Variants in STAU2 observed in about 807,000 individuals in gnomAD.
The protein encoded by STAU2 is double-stranded RNA-binding protein Staufen homolog 2.
In STAU2, 20 loss-of-function variants were observed where a neutral mutation model predicts 65.9. The observed-to-expected ratio is 0.30, with a 90% confidence interval of 0.21 to 0.44. The LOEUF is 0.44. Among genes scored for constraint, STAU2 ranks in the 20% least tolerant of loss-of-function variants. The pLI, the probability that STAU2 is intolerant of heterozygous loss-of-function variation, is 1.00. For missense variants in STAU2, 558 were observed against 683.9 expected (o/e 0.82, Z 2.05); for synonymous variants, 232 against 233.9 (o/e 0.99, Z 0.07).
At chr8:73,487,426 G>A (rs1820971839) in intron 13 of STAU2, among the ~76,000 whole-genome samples, 1 of 152,092 alleles carries the variant, frequency 6.6e-6, no homozygotes, top group South Asian at 2.1e-4. Context: ...TGAATTTTAT[G>A]TAATAATAGA....
chr8:73,491,172 A>G (rs994649137), intron 13 of STAU2, among the ~76,000 whole-genome samples: 3 of 152,044 alleles, frequency 2.0e-5, no homozygotes, highest in African/African-American at 7.2e-5. Context: ...GTCACAAATA[A>G]AAAAAGCACT....
In STAU2 at chr8:73,709,185, GT is replaced by G. The variant is rs764636665; in HGVS notation, c.-17-24del. On this transcript the variant is annotated intron_variant, in intron 3 of 14. Transcript: ENST00000524300. Reference sequence around the variant, plus strand: ...AAGCTGTAAATAAAAAGGCTATAAAGTTTTTGTGAAGAATGACTTTACAAAA... The same window carrying G: ...AAGCTGTAAATAAAAAGGCTATAAAGTTTTGTGAAGAATGACTTTACAAAA... The G allele has an allele frequency of 1.1e-5, 16 of 1,472,852 alleles. No homozygotes were observed. The South Asian group carries it at 2.0e-4, about 18-fold the overall frequency. 91.2% of individuals were successfully genotyped at this position (1,472,852 alleles called of 1,614,324 possible). A position where few individuals can be genotyped will look rare whatever the true frequency, so the allele number is the denominator to read the frequency against.
Position 73,495,642 on chromosome 8 carries a change from AG to A in STAU2, c.1530+56369del, listed in dbSNP as rs376750963. Among the ~76,000 whole-genome samples, 374 of 130,490 alleles carry A rather than the reference AG, an allele frequency of 2.9e-3. 1 individual carries two copies. Among genetic ancestry groups the A allele is most frequent in the African/African-American group, 0.01 (356 of 34,268 alleles). The allele number at this position is 130,490 out of a possible 152,430, so 85.6% of individuals were successfully genotyped here. On this transcript the variant is annotated intron_variant, in intron 13 of 14. Coordinates refer to ENST00000524300, the MANE Select transcript of STAU2 (RefSeq NM_001164380.2). The stretch of plus-strand genomic sequence containing the variant: ...CTTACTTAAATCATAAACTACTCTA[AG>A]GAATGATTCATAAAGCCAAATATAT...
intron 13 of STAU2, among the ~76,000 whole-genome samples, chr8:73,510,534 C>T (rs916394272): frequency 2.8e-4 from 43 of 152,178 alleles, no homozygotes; most frequent in Non-Finnish European, 1.0e-4. Flanking sequence ...CATTCTCACA[C>T]TGCTAATAAA....
intron 12 of STAU2, among the ~76,000 whole-genome samples, chr8:73,577,966 T>C (rs1393647583): frequency 6.6e-6 from 1 of 152,180 alleles, no homozygotes; most frequent in Non-Finnish European, 1.5e-5. Context: ...ATTTATACTG[T>C]CATTTGCCTT....
intron 4 of STAU2, among the ~76,000 whole-genome samples, chr8:73,701,969 C>T (rs1328703324): frequency 1.3e-5 from 2 of 152,026 alleles, no homozygotes; most frequent in Non-Finnish European, 2.9e-5. Context: ...TGAAATAAGC[C>T]AGGTACAGAG....
At chr8:73,721,287 C>CAAAAAAA (rs35721754) in intron 3 of STAU2, among the ~76,000 whole-genome samples, 201 of 12,460 alleles carry the variant, frequency 0.016, 30 homozygotes, top group African/African-American at 0.047. Context: ...ACCCCACCTC[C>CAAAAAAA]AAAAAAAAAA....
intron 3 of STAU2, among the ~76,000 whole-genome samples, chr8:73,720,507 T>C (rs1194539308): frequency 1.0e-4 from 4 of 38,966 alleles, no homozygotes; most frequent in African/African-American, 4.4e-4. Flanking sequence ...TTCTTTTTTT[T>C]TTTTTTTTTT....
intron 12 of STAU2, among the ~76,000 whole-genome samples, chr8:73,574,480 A>C (rs1181000606): frequency 6.6e-6 from 1 of 152,246 alleles, no homozygotes; most frequent in Non-Finnish European, 1.5e-5. Flanking sequence ...AGCACTATTC[A>C]CAATAGCAAA....
At chr8:73,551,493 A>G in intron 13 of STAU2, 1 of 698,938 alleles carries the variant, frequency 1.4e-6, no homozygotes, top group South Asian at 5.0e-5. Context: ...ATCATGTTTA[A>G]TTAACTCCTA....
intron 3 of STAU2, among the ~76,000 whole-genome samples, chr8:73,721,944 T>G (rs1821716089): frequency 6.6e-6 from 1 of 152,336 alleles, no homozygotes; most frequent in African/African-American, 2.4e-5. Context: ...GCTATTTATT[T>G]TATATTTTTC....
At chr8:73,706,884 G>T (rs1316401223) in intron 4 of STAU2, among the ~76,000 whole-genome samples, 4 of 152,168 alleles carry the variant, frequency 2.6e-5, no homozygotes, top group African/African-American at 9.7e-5. Flanking sequence ...TAGATAAAAG[G>T]TCAGTTCATA....
At chr8:73,542,813 A>G (rs2128938294) in intron 13 of STAU2, among the ~76,000 whole-genome samples, 1 of 152,270 alleles carries the variant, frequency 6.6e-6, no homozygotes. Context: ...AACGTGTACA[A>G]CCCTCACACA....
intron 10 of STAU2, among the ~76,000 whole-genome samples, chr8:73,597,968 T>G (rs990036422): frequency 2.6e-5 from 4 of 152,172 alleles, no homozygotes; most frequent in African/African-American, 9.6e-5. Context: ...AGTCCCCAAT[T>G]ATTTTATGAG....
At chr8:73,551,779 G>A in intron 13 of STAU2, 2 of 1,186,824 alleles carry the variant, frequency 1.7e-6, no homozygotes, top group Non-Finnish European at 2.1e-6. Context: ...AAAAGAAGAA[G>A]GAAAATGGAG....
intron 13 of STAU2, chr8:73,439,968 T>A (rs1818010872): frequency 6.6e-6 from 1 of 152,256 alleles, no homozygotes; most frequent in African/African-American, 2.4e-5. Context: ...TCAAGATACA[T>A]CAAGAGCCCG....
Position 73,464,948 on chromosome 8 carries a change from T to C in STAU2, c.1531-42246A>G, listed in dbSNP as rs144856084. Among the ~76,000 whole-genome samples, 30 of 152,350 alleles carry C rather than the reference T, an allele frequency of 2.0e-4. No homozygotes were observed. In the East Asian group the frequency reaches 2.7e-3, roughly 14 times the overall value. On this transcript the variant is annotated intron_variant, in intron 13 of 14. Transcript: ENST00000524300. ...AGAAGATACAGCTAAAATGAGGTCA[T>C]TGCCCAATGGAGGATGCCACCATTT...
chr8:73,447,319 T>G (rs929270318), intron 13 of STAU2, among the ~76,000 whole-genome samples: 1 of 152,252 alleles, frequency 6.6e-6, no homozygotes, highest in African/African-American at 2.4e-5. Context: ...CTAACTCTTC[T>G]GCAACTTTTT....
At chr8:73,430,022 T>G (rs1817144731) in intron 13 of STAU2, among the ~76,000 whole-genome samples, 1 of 152,242 alleles carries the variant, frequency 6.6e-6, no homozygotes, top group Admixed American at 6.5e-5. Context: ...TGGCTAAAAC[T>G]AAATTACTAA....
Sources: allele counts gnomAD v4.1 joint callset (sites outside exome capture counted in the v4.1 genomes callset), GRCh38; gene constraint gnomAD v4.1.1; transcripts MANE v1.5; gene names NCBI Gene and HGNC (gene_info 2026-07-23, HGNC 2026-07-21).